The following NXPE1 variants were observed in gnomAD, a reference collection of about 807,000 sequenced individuals.
NXPE1 encodes the protein NXPE family member 1.
A neutral mutation model predicts 33.3 loss-of-function variants in NXPE1; 31 were observed. The ratio of observed to expected loss-of-function variants is 0.93; its 90% CI spans 0.70 to 1.26. The LOEUF (loss-of-function observed/expected upper bound fraction) is 1.26. Among genes scored for constraint, NXPE1 ranks in the 50% most tolerant of loss-of-function variants. The probability of loss-of-function intolerance (pLI) is 0.00; values close to 1 mark genes in which losing one functional copy is unlikely to be tolerated. For synonymous variants in NXPE1, 229 were observed against 231.4 expected, an observed-to-expected ratio of 0.99 and a Z score of 0.09; for missense variants, 661 against 655.6, an observed-to-expected ratio of 1.01 and a Z score of -0.09.
At chr11:114,524,354 G>A (rs190984331) in intron 7 of NXPE1, among the ~76,000 whole-genome samples, 2 of 152,342 alleles carry the variant, frequency 1.3e-5, no homozygotes, top group East Asian at 3.9e-4. Flanking sequence ...TCCTTGCTTA[G>A]TTCCTCAGAG....
intron 5 of NXPE1, among the ~76,000 whole-genome samples, chr11:114,531,520 ACT>A (rs1228765592): frequency 6.6e-6 from 1 of 151,860 alleles, no homozygotes; most frequent in African/African-American, 2.4e-5. Context: ...TTAAAGCAAA[ACT>A]CTATTTGTGT....
intron 5 of NXPE1, among the ~76,000 whole-genome samples, chr11:114,545,725 T>G (rs1277133561): frequency 6.6e-6 from 1 of 150,520 alleles, no homozygotes; most frequent in Non-Finnish European, 1.5e-5. Context: ...ATTCCTGCCC[T>G]GTCTCCAGGC....
chr11:114,528,036 A>G, intron 6 of NXPE1, 135 bp from the exon 7 acceptor site: 1 of 600,834 alleles, frequency 1.7e-6, no homozygotes. Context: ...TAAATTTTAG[A>G]TATATTGGGT....
At chr11:114,520,405 C>T (rs139521456), downstream of NXPE1, among the ~76,000 whole-genome samples, 29 of 152,252 alleles carry the variant, frequency 1.9e-4, no homozygotes, top group Middle Eastern at 6.8e-3. Flanking sequence ...CTTAGCGTAA[C>T]GTCCTCCAGG....
intron 2 of NXPE1, among the ~76,000 whole-genome samples, chr11:114,552,370 T>C (rs575081157): frequency 6.6e-6 from 1 of 152,310 alleles, no homozygotes; most frequent in East Asian, 1.9e-4. Flanking sequence ...TTATTTACTT[T>C]TTGATTTCCA....
intron 1 of NXPE1, among the ~76,000 whole-genome samples, chr11:114,555,765 A>G (rs529912589): frequency 6.6e-6 from 1 of 152,268 alleles, no homozygotes; most frequent in South Asian, 2.1e-4. Context: ...GTTTCATATA[A>G]ATGGAATAAT....
At position 114,540,885 on chromosome 11, in the gene NXPE1, T is replaced by TTTTTTTTTTTTTTTTTG. The variant is rs754802719; in HGVS notation, c.100-9978_100-9977insCAAAAAAAAAAAAAAAA. On this transcript the variant is annotated intron_variant, in intron 5 of 8. Coordinates refer to ENST00000534921, the Ensembl canonical transcript of NXPE1. ...TTTTTTTTTTTTTTTTTTTTTTTTT[T>TTTTTTTTTTTTTTTTTG]GGCTTGAACAACCTGAGAGCAGAGT... 8.6e-5 allele frequency among the ~76,000 whole-genome samples: 7 copies of TTTTTTTTTTTTTTTTTG among 81,240 alleles called. 1 individual carries two copies. Among genetic ancestry groups the TTTTTTTTTTTTTTTTTG allele is most frequent in the East Asian group, 4.3e-4 (1 of 2,302 alleles). The allele number at this position is 81,240 out of a possible 152,430, so 53.3% of individuals were successfully genotyped here. A position where few individuals can be genotyped will look rare whatever the true frequency, so the allele number is the denominator to read the frequency against.
Position 114,547,137 on chromosome 11 carries a change from G to A in NXPE1, c.99+3966C>T, listed in dbSNP as rs1384050069. 2.0e-5 allele frequency among the ~76,000 whole-genome samples: 3 copies of A among 152,130 alleles called. No individual in the cohort carries two copies. In the East Asian group the frequency reaches 5.8e-4, roughly 29 times the overall value. The stretch of plus-strand genomic sequence containing the variant: ...TTGAAAGAGTACAGTAAAGAGCAGG[G>A]TGGGGCAGAAGGAAGAGTAATCTTA... On this transcript the variant is annotated intron_variant, in intron 5 of 8. Transcript: ENST00000534921.
At chr11:114,557,248 T>C (rs761878347) in intron 1 of NXPE1, among the ~76,000 whole-genome samples, 10 of 152,154 alleles carry the variant, frequency 6.6e-5, no homozygotes, top group Non-Finnish European at 1.2e-4. Context: ...TCTATTTCCA[T>C]TCTCATTTAG....
chr11:114,537,252 A>C (rs1381645312), intron 5 of NXPE1, among the ~76,000 whole-genome samples: 1 of 152,244 alleles, frequency 6.6e-6, no homozygotes, highest in Non-Finnish European at 1.5e-5. Flanking sequence ...AAAAACTCTC[A>C]ATAAATTAGG....
At chr11:114,541,095 C>T (rs925608745) in intron 5 of NXPE1, among the ~76,000 whole-genome samples, 1 of 151,966 alleles carries the variant, frequency 6.6e-6, no homozygotes, top group African/African-American at 2.4e-5. Context: ...TTACTTATAA[C>T]CACAGGTTGG....
At chr11:114,529,649 A>T (rs1468304159) in intron 6 of NXPE1, 1 of 158,972 alleles carries the variant, frequency 6.3e-6, no homozygotes, top group Non-Finnish European at 1.4e-5. Context: ...ATATCTGATC[A>T]TGGGATCAAC....
chr11:114,519,300 G>A (rs1215830280), downstream of NXPE1, among the ~76,000 whole-genome samples: 1 of 152,130 alleles, frequency 6.6e-6, no homozygotes, highest in African/African-American at 2.4e-5. Context: ...ACTATCATAT[G>A]CTGTTCTCTC....
chr11:114,538,920 CA>C (rs1394603094), intron 5 of NXPE1, among the ~76,000 whole-genome samples: 3 of 152,042 alleles, frequency 2.0e-5, no homozygotes, highest in Non-Finnish European at 4.4e-5. Flanking sequence ...TTGACCCAGC[CA>C]TCCCATTACT....
At chr11:114,539,509 T>G (rs1226297016) in intron 5 of NXPE1, among the ~76,000 whole-genome samples, 1 of 152,186 alleles carries the variant, frequency 6.6e-6, no homozygotes, top group Non-Finnish European at 1.5e-5. Flanking sequence ...AGGATATTTT[T>G]TAAAGGTCTG....
At chr11:114,556,050 A>G (rs1299801354) in intron 1 of NXPE1, among the ~76,000 whole-genome samples, 1 of 152,204 alleles carries the variant, frequency 6.6e-6, no homozygotes, top group African/African-American at 2.4e-5. Context: ...GCCATATGGT[A>G]AGTAAATGTT....
At chr11:114,533,290 A>G (rs1459654020) in intron 5 of NXPE1, among the ~76,000 whole-genome samples, 1 of 152,212 alleles carries the variant, frequency 6.6e-6, no homozygotes, top group Non-Finnish European at 1.5e-5. Context: ...ATTATAGACA[A>G]TACATTCGAG....
intron 5 of NXPE1, among the ~76,000 whole-genome samples, chr11:114,542,984 G>T (rs1417044791): frequency 6.6e-6 from 1 of 152,148 alleles, no homozygotes; most frequent in Non-Finnish European, 1.5e-5. Context: ...GTCAGGTAAA[G>T]TGGCTTATGC....
intron 5 of NXPE1, among the ~76,000 whole-genome samples, chr11:114,532,043 A>C (rs574701558): frequency 6.6e-6 from 1 of 152,336 alleles, no homozygotes; most frequent in Non-Finnish European, 1.5e-5. Context: ...GATAGATTTG[A>C]GAATGATTAC....
Sources: allele counts gnomAD v4.1 joint callset (sites outside exome capture counted in the v4.1 genomes callset), GRCh38; gene constraint gnomAD v4.1.1; transcripts MANE v1.5; gene names NCBI Gene and HGNC (gene_info 2026-07-23, HGNC 2026-07-21).